ERC2: variants seen among roughly 807,000 people sequenced by gnomAD.
The protein encoded by ERC2 is ERC protein 2.
In ERC2, 42 loss-of-function variants were observed where a neutral mutation model predicts 114.8. That is an observed-to-expected ratio of 0.37 (90% confidence interval 0.29 to 0.47). The LOEUF is 0.47. ERC2 is among the 20% of genes least tolerant of loss of function. ERC2 has a pLI of 0.99. For synonymous variants in ERC2, 454 were observed against 425.5 expected (o/e 1.07, Z -0.82); for missense variants, 939 against 1,150.7 (o/e 0.82, Z 2.66).
rs186286002 is a variant in ERC2 at position 56,306,746 on chromosome 3, A to C, written c.658-10311T>G. ...TTGGATGAACCTGTGGGAGGAGTAT[A>C]ATATAGTGTGTAACAGCCCAGACTC... On this transcript the variant is annotated intron_variant, in intron 2 of 17. Coordinates refer to ENST00000288221, the MANE Select transcript of ERC2 (RefSeq NM_015576.3). 2.7e-3 allele frequency among the ~76,000 whole-genome samples: 404 copies of C among 152,288 alleles called. 1 individual carries two copies. Among genetic ancestry groups the C allele is most frequent in the Non-Finnish European group, 4.4e-3 (299 of 68,028 alleles).
At chr3:56,330,464 T>C (rs1465981118) in intron 2 of ERC2, among the ~76,000 whole-genome samples, 1 of 152,180 alleles carries the variant, frequency 6.6e-6, no homozygotes, top group African/African-American at 2.4e-5. Flanking sequence ...AGCTAGTTTT[T>C]AAACACACCA....
chr3:56,258,452 T>C (rs533711158), intron 3 of ERC2, among the ~76,000 whole-genome samples: 2 of 152,056 alleles, frequency 1.3e-5, no homozygotes, highest in Admixed American at 6.5e-5. Flanking sequence ...GGTCAGGAGA[T>C]TGAGACCATC....
At chr3:55,579,995 G>T (rs558305806) in intron 17 of ERC2, among the ~76,000 whole-genome samples, 77 of 152,336 alleles carry the variant, frequency 5.1e-4, no homozygotes, top group Middle Eastern at 3.4e-3. Context: ...AGTGGTGAGG[G>T]TTTCAAATAG....
intron 3 of ERC2, among the ~76,000 whole-genome samples, chr3:56,191,586 ATAGATGAACAGATGGGCAGG>A (rs1023914202): frequency 7.9e-5 from 12 of 152,168 alleles, no homozygotes; most frequent in Non-Finnish European, 1.5e-4. Flanking sequence ...CAGATGAAGG[ATAGATGAACAGATGGGCAGG>A]TAGATGAAAT....
At chr3:56,171,873 G>A (rs1575675929) in intron 4 of ERC2, among the ~76,000 whole-genome samples, 1 of 134,562 alleles carries the variant, frequency 7.4e-6, no homozygotes, top group African/African-American at 2.7e-5. Flanking sequence ...ATGATAATTT[G>A]GAAATAGATT....
chr3:55,719,366 A>G (rs1375028861), intron 15 of ERC2, among the ~76,000 whole-genome samples: 1 of 152,190 alleles, frequency 6.6e-6, no homozygotes, highest in Admixed American at 6.5e-5. Flanking sequence ...CACTGAGGGG[A>G]GATGTGCAGC....
At chr3:56,120,150 G>A (rs902765294) in intron 6 of ERC2, among the ~76,000 whole-genome samples, 3 of 152,080 alleles carry the variant, frequency 2.0e-5, no homozygotes, top group African/African-American at 7.2e-5. Flanking sequence ...GAGAGAGAGA[G>A]ATTCTACCCA....
intron 17 of ERC2, chr3:55,612,777 TTG>T (rs1392956028): frequency 6.6e-6 from 1 of 152,202 alleles, no homozygotes; most frequent in Non-Finnish European, 1.5e-5. Flanking sequence ...ACTTATAGAA[TTG>T]TGCGATCAGC....
chr3:55,689,242 T>G (rs1432516411), intron 16 of ERC2, among the ~76,000 whole-genome samples: 1 of 103,780 alleles, frequency 9.6e-6, no homozygotes, highest in East Asian at 3.1e-4. Context: ...TATAACATCT[T>G]TAAGTGCTTC....
chr3:55,867,489 G>T (rs1320052877), intron 14 of ERC2, among the ~76,000 whole-genome samples: 5 of 152,186 alleles, frequency 3.3e-5, no homozygotes, highest in African/African-American at 1.2e-4. Context: ...GTGGTGGAGG[G>T]AGGGGAAGCA....
At chr3:56,199,170 A>G (rs2048274068) in intron 3 of ERC2, among the ~76,000 whole-genome samples, 1 of 152,176 alleles carries the variant, frequency 6.6e-6, no homozygotes, top group Non-Finnish European at 1.5e-5. Flanking sequence ...GGGAAATGCT[A>G]TGAAGGAAAC....
At chr3:55,942,520 A>C (rs1214974285) in intron 13 of ERC2, among the ~76,000 whole-genome samples, 1 of 148,096 alleles carries the variant, frequency 6.8e-6, no homozygotes, top group Non-Finnish European at 1.5e-5. Context: ...GATGGTCTCG[A>C]TCTCCTGACC....
At chr3:55,586,547 A>G (rs2057613267) in intron 17 of ERC2, among the ~76,000 whole-genome samples, 1 of 152,232 alleles carries the variant, frequency 6.6e-6, no homozygotes, top group Admixed American at 6.5e-5. Context: ...ATTTAAAATA[A>G]CTGTCATTTC....
At chr3:56,049,851 T>TGC (rs1173557426) in intron 7 of ERC2, among the ~76,000 whole-genome samples, 1 of 142,984 alleles carries the variant, frequency 7.0e-6, no homozygotes, top group African/African-American at 2.7e-5. Context: ...TGTGTGTGTG[T>TGC]GTGTGTGTGT....
chr3:55,892,067 T>A (rs1052517211), intron 13 of ERC2, among the ~76,000 whole-genome samples: 1 of 152,204 alleles, frequency 6.6e-6, no homozygotes, highest in Non-Finnish European at 1.5e-5. Flanking sequence ...CATTTCCTCA[T>A]CCATATTTAC....
At chr3:56,457,532 G>C (rs1333879330) in intron 1 of ERC2, among the ~76,000 whole-genome samples, 2 of 152,080 alleles carry the variant, frequency 1.3e-5, no homozygotes, top group Non-Finnish European at 2.9e-5. Context: ...AATAAAAGGA[G>C]AATAAAGAGA....
intron 2 of ERC2, among the ~76,000 whole-genome samples, chr3:56,432,408 GA>G (rs1423930005): frequency 6.6e-6 from 1 of 152,134 alleles, no homozygotes; most frequent in Non-Finnish European, 1.5e-5. Context: ...AAACTGGGGG[GA>G]AATGTGCATT....
At chr3:56,136,679 T>C (rs1351045248) in intron 6 of ERC2, among the ~76,000 whole-genome samples, 3 of 152,174 alleles carry the variant, frequency 2.0e-5, no homozygotes, top group Non-Finnish European at 4.4e-5. Flanking sequence ...TAAAGTATTC[T>C]ACACTGCTGC....
At chr3:55,894,131 T>C (rs1275012206) in intron 13 of ERC2, among the ~76,000 whole-genome samples, 2 of 152,164 alleles carry the variant, frequency 1.3e-5, no homozygotes, top group Non-Finnish European at 2.9e-5. Flanking sequence ...GAATTATAAC[T>C]TTTTTCCCAG....
Sources: allele counts gnomAD v4.1 joint callset (sites outside exome capture counted in the v4.1 genomes callset), GRCh38; gene constraint gnomAD v4.1.1; transcripts MANE v1.5; gene names NCBI Gene and HGNC (gene_info 2026-07-23, HGNC 2026-07-21).